Variants in SCFD2 observed in about 807,000 individuals in gnomAD.
The protein encoded by SCFD2 is sec1 family domain containing 2.
Under a neutral mutation model 58.9 loss-of-function variants are expected in SCFD2, and 54 were observed. The observed-to-expected ratio is 0.92, with a 90% CI of 0.74 to 1.15. SCFD2 has a LOEUF of 1.15. Among genes scored for constraint, SCFD2 ranks in the 50% most tolerant of loss-of-function variants. The probability of loss-of-function intolerance (pLI) is 0.00; values close to 1 mark genes in which losing one functional copy is unlikely to be tolerated. For synonymous variants in SCFD2, 321 were observed against 335.9 expected (o/e 0.96, Z 0.49); for missense variants, 805 against 836.6 (o/e 0.96, Z 0.47).
At chr4:53,002,995 A>G (rs1214742117) in intron 5 of SCFD2, among the ~76,000 whole-genome samples, 1 of 152,106 alleles carries the variant, frequency 6.6e-6, no homozygotes, top group Admixed American at 6.6e-5. Context: ...TCTCATGACA[A>G]TTCACTCGCT....
chr4:53,133,307 G>A (rs376260235), intron 5 of SCFD2, among the ~76,000 whole-genome samples: 8 of 126,728 alleles, frequency 6.3e-5, no homozygotes, highest in Non-Finnish European at 9.5e-5. Flanking sequence ...CAGCCTGGGC[G>A]ACAGTGCAAG....
At chr4:53,297,573 A>G (rs182219503) in intron 3 of SCFD2, among the ~76,000 whole-genome samples, 1 of 152,230 alleles carries the variant, frequency 6.6e-6, no homozygotes, top group East Asian at 1.9e-4. Flanking sequence ...GGGTCTCCGG[A>G]ATACGGCACA....
chr4:53,365,773 G>T lies in SCFD2; in HGVS notation c.169C>A (p.Arg57=), dbSNP rs1483765904. 1.2e-6 allele frequency: 2 copies of T among 1,613,694 alleles called. No individual in the cohort carries two copies. The highest frequency in any genetic ancestry group is 1.3e-5 in the African/African-American group (1 of 74,888). Reference sequence around the variant, plus strand: ...CCAATTGCGTCGGGCTCGAACTCTCGCAGGTGACAGTCAGGACCCCCCACC... The same window carrying T: ...CCAATTGCGTCGGGCTCGAACTCTCTCAGGTGACAGTCAGGACCCCCCACC... ...EAVGGPDCHL[R]EFEPDAIGGG... The change falls in exon 1 of 9, where the codon CGA becomes AGA. Residue 57 remains arginine (R), a synonymous_variant. Coordinates refer to ENST00000401642, the MANE Select transcript of SCFD2 (RefSeq NM_152540.4). This position sits in a 1 kb window ranked among gnomAD's most constrained non-coding sequence, Gnocchi z 4.3.
chr4:52,952,095 G>A (rs1404475630), intron 5 of SCFD2, among the ~76,000 whole-genome samples: 2 of 152,138 alleles, frequency 1.3e-5, no homozygotes, highest in African/African-American at 2.4e-5. Flanking sequence ...CAGATGCCAG[G>A]TTGGTAAGAG....
At chr4:52,914,912 T>C (rs1657094586) in intron 6 of SCFD2, among the ~76,000 whole-genome samples, 1 of 152,128 alleles carries the variant, frequency 6.6e-6, no homozygotes, top group South Asian at 2.1e-4. Context: ...TGATGGCTGA[T>C]ACACATGGAA....
intron 5 of SCFD2, among the ~76,000 whole-genome samples, chr4:53,020,834 G>C (rs1457029422): frequency 1.3e-5 from 2 of 152,154 alleles, no homozygotes; most frequent in African/African-American, 2.4e-5. Context: ...GTGTTTAAAT[G>C]AGAGCAAATC....
chr4:53,264,251 C>CA (rs1388976559), intron 4 of SCFD2, among the ~76,000 whole-genome samples: 2 of 152,298 alleles, frequency 1.3e-5, no homozygotes, highest in African/African-American at 4.8e-5. Context: ...CAAGCAGACT[C>CA]AGTTTTTCAG....
intron 5 of SCFD2, among the ~76,000 whole-genome samples, chr4:53,126,232 T>C (rs553744791): frequency 6.6e-6 from 1 of 152,228 alleles, no homozygotes; most frequent in Non-Finnish European, 1.5e-5. Flanking sequence ...TGTTCTTCCA[T>C]AATAATCGGT....
At chr4:53,337,996 T>C (rs1030011148) in intron 2 of SCFD2, among the ~76,000 whole-genome samples, 4 of 152,106 alleles carry the variant, frequency 2.6e-5, no homozygotes, top group Admixed American at 2.6e-4. Context: ...GAAAAGGCAA[T>C]GTGAAAACAG....
chr4:53,181,486 G>A (rs1228020446), intron 4 of SCFD2, among the ~76,000 whole-genome samples: 3 of 152,080 alleles, frequency 2.0e-5, no homozygotes, highest in Non-Finnish European at 4.4e-5. Flanking sequence ...CAATAAATTA[G>A]GTATGGATGG....
At position 53,147,668 on chromosome 4, in the gene SCFD2, G is replaced by A. The variant is rs549942834; in HGVS notation, c.1312-2086C>T. ...CCCTAGGGCTGCCCTGTAGCTTCAGGAGTCTCTCTAGAGCAGGGGTGTCCA... is the reference window on the plus strand; with the variant it reads ...CCCTAGGGCTGCCCTGTAGCTTCAGAAGTCTCTCTAGAGCAGGGGTGTCCA... On this transcript the variant is annotated intron_variant, in intron 4 of 8. Transcript: ENST00000401642. Among the ~76,000 whole-genome samples, 4 of 152,316 alleles carry A rather than the reference G, an allele frequency of 2.6e-5. No homozygotes were observed. In the South Asian group the frequency reaches 8.3e-4, roughly 32 times the overall value.
intron 5 of SCFD2, among the ~76,000 whole-genome samples, chr4:52,923,510 A>AAAT (rs1243288357): frequency 2.0e-5 from 3 of 150,720 alleles, no homozygotes; most frequent in Non-Finnish European, 4.4e-5. Flanking sequence ...ATAAATAAAT[A>AAAT]AATAAATGTG....
intron 4 of SCFD2, among the ~76,000 whole-genome samples, chr4:53,217,125 G>T (rs982536568): frequency 3.9e-5 from 6 of 152,140 alleles, no homozygotes; most frequent in African/African-American, 1.4e-4. Context: ...ATATTCTGTT[G>T]ATTTGGGGTG....
intron 4 of SCFD2, among the ~76,000 whole-genome samples, chr4:53,272,997 AAC>A (rs1219584996): frequency 6.6e-6 from 1 of 152,198 alleles, no homozygotes; most frequent in Non-Finnish European, 1.5e-5. Context: ...AAAATATAAA[AAC>A]AGTGAATTGA....
chr4:53,176,228 G>T (rs148928644), intron 4 of SCFD2, among the ~76,000 whole-genome samples: 3 of 152,140 alleles, frequency 2.0e-5, no homozygotes, highest in African/African-American at 7.2e-5. Flanking sequence ...AAAAGTCTGC[G>T]AATTAAAGTA....
intron 5 of SCFD2, among the ~76,000 whole-genome samples, chr4:52,944,044 A>T (rs957027595): frequency 2.0e-5 from 3 of 152,232 alleles, no homozygotes; most frequent in Non-Finnish European, 4.4e-5. Flanking sequence ...GAAACTGACA[A>T]GGATAATGAG....
At position 52,873,928 on chromosome 4, in the gene SCFD2, G is replaced by T. The variant is rs1477770270; in HGVS notation, c.*41C>A. The T allele has an allele frequency of 1.4e-6, 2 of 1,450,774 alleles. No individual in the cohort carries two copies. Among genetic ancestry groups the T allele is most frequent in the Non-Finnish European group, 1.9e-6 (2 of 1,031,666 alleles). 89.9% of individuals were successfully genotyped at this position (1,450,774 alleles called of 1,614,324 possible). A position where few individuals can be genotyped will look rare whatever the true frequency, so the allele number is the denominator to read the frequency against. Reference sequence around the variant, plus strand: ...GGAGTGGTGGCAGAAAATTGCATCGGCATTTCCAGCTTGAGTAGGTCTTAT... The same window carrying T: ...GGAGTGGTGGCAGAAAATTGCATCGTCATTTCCAGCTTGAGTAGGTCTTAT... On this transcript the variant is annotated 3_prime_UTR_variant, in exon 9 of 9. Transcript: ENST00000401642.
intron 4 of SCFD2, among the ~76,000 whole-genome samples, chr4:53,217,303 G>A (rs1483394549): frequency 6.6e-6 from 1 of 152,162 alleles, no homozygotes; most frequent in Admixed American, 6.6e-5. Context: ...AGGTCTCTAA[G>A]GACTTGCTTT....
At chr4:53,175,812 G>C (rs1727311197) in intron 4 of SCFD2, among the ~76,000 whole-genome samples, 1 of 152,082 alleles carries the variant, frequency 6.6e-6, no homozygotes, top group Non-Finnish European at 1.5e-5. Flanking sequence ...TATAAAATTG[G>C]AACACTGAAC....
Sources: allele counts gnomAD v4.1 joint callset (sites outside exome capture counted in the v4.1 genomes callset), GRCh38; gene constraint gnomAD v4.1.1; non-coding constraint Gnocchi (gnomAD v3.1); transcripts MANE v1.5; gene names NCBI Gene and HGNC (gene_info 2026-07-23, HGNC 2026-07-21).